The following SPATS2L variants were observed in gnomAD, a reference collection of about 807,000 sequenced individuals.
SPATS2L encodes the protein spermatogenesis associated serine rich 2 like.
In SPATS2L, 30 loss-of-function variants were observed where a neutral mutation model predicts 59.6. That is an observed-to-expected ratio of 0.50 (90% CI 0.38 to 0.68). The LOEUF is 0.68. Ranked by LOEUF, SPATS2L falls within the 30% of genes least tolerant of loss-of-function variation. SPATS2L has a pLI of 0.00. For synonymous variants in SPATS2L, 252 were observed against 263.5 expected (o/e 0.96, Z 0.42); for missense variants, 615 against 700.0 (o/e 0.88, Z 1.37).
At chr2:200,314,299 A>G (rs137945609) in intron 1 of SPATS2L, among the ~76,000 whole-genome samples, 51 of 152,308 alleles carry the variant, frequency 3.3e-4, no homozygotes, top group Non-Finnish European at 5.7e-4. Context: ...CATTTTATAT[A>G]GAGACTGTCT....
intron 1 of SPATS2L, among the ~76,000 whole-genome samples, chr2:200,307,718 G>A (rs1443652518): frequency 6.6e-6 from 1 of 152,252 alleles, no homozygotes; most frequent in Non-Finnish European, 1.5e-5. Context: ...ACCTGCGCGG[G>A]GATGCGGCGG....
chr2:200,408,653 C>T (rs2082770045), intron 3 of SPATS2L, among the ~76,000 whole-genome samples: 1 of 152,190 alleles, frequency 6.6e-6, no homozygotes, highest in South Asian at 2.1e-4. Context: ...GGCTCTTAAC[C>T]AGACAGCTCA....
intron 3 of SPATS2L, among the ~76,000 whole-genome samples, chr2:200,401,719 A>G (rs564943442): frequency 6.6e-6 from 1 of 152,128 alleles, no homozygotes; most frequent in South Asian, 2.1e-4. Flanking sequence ...TTTTTTAAGG[A>G]ATGCCAAGTC....
chr2:200,435,154 A>G (rs893335331), intron 6 of SPATS2L, among the ~76,000 whole-genome samples: 1 of 152,178 alleles, frequency 6.6e-6, no homozygotes, highest in Admixed American at 6.5e-5. Flanking sequence ...CCTATTAATA[A>G]ACCAGAGCTG....
chr2:200,306,890 C>T lies in SPATS2L; in HGVS notation c.-105C>T, dbSNP rs2079032725. 4.1e-6 allele frequency: 4 copies of T among 981,264 alleles called. No individual in the cohort carries two copies. The highest frequency in any genetic ancestry group is 1.2e-4 in the East Asian group (1 of 8,620). 60.8% of individuals were successfully genotyped at this position (981,264 alleles called of 1,614,324 possible). The stretch of plus-strand genomic sequence containing the variant: ...CCGCGCCCCCGGGCCCCGGCTCCGG[C>T]CCGGGACGGAGGAGCCGGCGCTCGA... On this transcript the variant is annotated 5_prime_UTR_variant, in exon 1 of 13. Coordinates refer to ENST00000409140, the MANE Select transcript of SPATS2L (RefSeq NM_001100423.2).
At chr2:200,434,550 T>C (rs1413843578) in intron 6 of SPATS2L, among the ~76,000 whole-genome samples, 1 of 152,090 alleles carries the variant, frequency 6.6e-6, no homozygotes, top group African/African-American at 2.4e-5. Context: ...TTCAATATAT[T>C]AAAAAGCATT....
In SPATS2L at chr2:200,331,196, A is replaced by G. The variant is rs151163136; in HGVS notation, c.-23+1716A>G. The stretch of plus-strand genomic sequence containing the variant: ...GAGGCCTGTCCCATGTGGACACATA[A>G]GCCATATAAATCCATTTTAATTGTG... On this transcript the variant is annotated intron_variant, in intron 2 of 12. Transcript: ENST00000409140. Among the ~76,000 whole-genome samples the G allele has an allele frequency of 1.3e-3, 197 of 152,338 alleles. 3 individuals are homozygous for G. In the East Asian group the frequency reaches 0.032, roughly 25 times the overall value.
Position 200,478,034 on chromosome 2 carries a change from T to A in SPATS2L, c.*3T>A. ...CGGCTGTGACGTTGGTGGCCTGAGC[T>A]AGGAGGAAAAAGAGCAGTTTTCACT... On this transcript the variant is annotated 3_prime_UTR_variant, in exon 13 of 13. Coordinates refer to ENST00000409140, the MANE Select transcript of SPATS2L (RefSeq NM_001100423.2). 6.5e-7 allele frequency: 1 copy of A among 1,535,762 alleles called. No individual in the cohort carries two copies. The highest frequency in any genetic ancestry group is 8.7e-7 in the Non-Finnish European group (1 of 1,142,900).
At chr2:200,408,037 C>T (rs953632367) in intron 3 of SPATS2L, among the ~76,000 whole-genome samples, 3 of 152,176 alleles carry the variant, frequency 2.0e-5, no homozygotes, top group Non-Finnish European at 4.4e-5. Context: ...AGACACGACA[C>T]ACACACAAAT....
chr2:200,308,970 T>G (rs989995600), intron 1 of SPATS2L: 6 of 710,300 alleles, frequency 8.4e-6, no homozygotes, highest in African/African-American at 7.0e-5. Context: ...GAGTTATCTG[T>G]GGGCTTGAGA....
chr2:200,350,153 G>A (rs2080670734), intron 2 of SPATS2L, among the ~76,000 whole-genome samples: 1 of 152,184 alleles, frequency 6.6e-6, no homozygotes, highest in Non-Finnish European at 1.5e-5. Flanking sequence ...GCTACGGTGA[G>A]TGAGGTGGGT....
intron 1 of SPATS2L, among the ~76,000 whole-genome samples, chr2:200,319,340 G>A (rs543430630): frequency 2.6e-5 from 4 of 152,184 alleles, no homozygotes; most frequent in South Asian, 2.1e-4. Context: ...CGAGGTGGGC[G>A]TATCACTTGA....
At chr2:200,398,551 C>T (rs752319161) in intron 3 of SPATS2L, among the ~76,000 whole-genome samples, 1 of 152,128 alleles carries the variant, frequency 6.6e-6, no homozygotes, top group Non-Finnish European at 1.5e-5. Context: ...TTGTTTCAAA[C>T]CACATTATAA....
chr2:200,453,820 T>C (rs547382409), intron 8 of SPATS2L, among the ~76,000 whole-genome samples: 1 of 152,318 alleles, frequency 6.6e-6, no homozygotes, highest in South Asian at 2.1e-4. Context: ...GAAATGGAAA[T>C]TCTTTATGCA....
At chr2:200,468,029 TG>T (rs1345066194) in intron 10 of SPATS2L, among the ~76,000 whole-genome samples, 1 of 152,020 alleles carries the variant, frequency 6.6e-6, no homozygotes, top group Non-Finnish European at 1.5e-5. Context: ...AGGTAGGAAC[TG>T]GGGTGGCTCT....
intron 4 of SPATS2L, among the ~76,000 whole-genome samples, chr2:200,414,538 G>T (rs902616706): frequency 1.3e-5 from 2 of 152,042 alleles, no homozygotes; most frequent in Non-Finnish European, 2.9e-5. Flanking sequence ...GCTGAGGCAG[G>T]AGGATTGATT....
chr2:200,457,336 C>T (rs955286175), intron 8 of SPATS2L, among the ~76,000 whole-genome samples: 13 of 152,242 alleles, frequency 8.5e-5, no homozygotes, highest in African/African-American at 3.1e-4. Context: ...CCTATTGACT[C>T]AACCCGGCAT....
At chr2:200,440,454 A>G (rs2084620540) in intron 7 of SPATS2L, among the ~76,000 whole-genome samples, 195 bp from the exon 8 acceptor site, 1 of 152,158 alleles carries the variant, frequency 6.6e-6, no homozygotes. Context: ...CAGAGACCCC[A>G]CTGGTGAAAT....
intron 2 of SPATS2L, among the ~76,000 whole-genome samples, chr2:200,333,053 G>C (rs376467911): frequency 5.3e-5 from 8 of 152,066 alleles, no homozygotes; most frequent in South Asian, 4.2e-4. Flanking sequence ...GGCCAAGGCT[G>C]GGGGGTTGTT....
Sources: allele counts gnomAD v4.1 joint callset (sites outside exome capture counted in the v4.1 genomes callset), GRCh38; gene constraint gnomAD v4.1.1; transcripts MANE v1.5; gene names NCBI Gene and HGNC (gene_info 2026-07-23, HGNC 2026-07-21).